The following AOAH variants were observed in gnomAD, a reference collection of about 807,000 sequenced individuals.
AOAH encodes acyloxyacyl hydrolase.
Under a neutral mutation model 92.2 loss-of-function variants are expected in AOAH, and 64 were observed. The ratio of observed to expected loss-of-function variants is 0.69; its 90% CI spans 0.57 to 0.86. The LOEUF is 0.86. AOAH is among the 40% of genes least tolerant of loss of function. AOAH has a pLI of 0.00. For missense variants in AOAH, 656 were observed against 694.6 expected (o/e 0.94, Z 0.62); for synonymous variants, 263 against 254.5 (o/e 1.03, Z -0.32).
chr7:36,634,933 T>C (rs1490947448), intron 5 of AOAH, among the ~76,000 whole-genome samples: 1 of 152,200 alleles, frequency 6.6e-6, no homozygotes, highest in African/African-American at 2.4e-5. Context: ...CCATTCATTG[T>C]GTAGAAATTG....
intron 13 of AOAH, among the ~76,000 whole-genome samples, chr7:36,563,435 CT>C (rs1308113733): frequency 2.4e-3 from 368 of 152,268 alleles, no homozygotes; most frequent in African/African-American, 8.5e-3. Flanking sequence ...TAGCATAATG[CT>C]AACCTCACTG....
chr7:36,607,607 T>C (rs370652091), intron 11 of AOAH, among the ~76,000 whole-genome samples: 69 of 152,196 alleles, frequency 4.5e-4, no homozygotes, highest in African/African-American at 1.5e-3. Context: ...CTCAGAAACA[T>C]ACACTCTTCC....
intron 2 of AOAH, among the ~76,000 whole-genome samples, chr7:36,678,807 C>T (rs1796466612): frequency 6.6e-6 from 1 of 152,148 alleles, no homozygotes; most frequent in Non-Finnish European, 1.5e-5. Context: ...GGGTACAAAG[C>T]AGAAATATGC....
intron 15 of AOAH, among the ~76,000 whole-genome samples, chr7:36,546,314 GC>G (rs1785796793): frequency 6.6e-6 from 1 of 152,210 alleles, no homozygotes; most frequent in African/African-American, 2.4e-5. Context: ...TGCTGCTTGA[GC>G]TTTTTATAAA....
At chr7:36,557,207 T>C (rs1262229380) in intron 13 of AOAH, among the ~76,000 whole-genome samples, 1 of 152,230 alleles carries the variant, frequency 6.6e-6, no homozygotes, top group Non-Finnish European at 1.5e-5. Flanking sequence ...CAGCATTTGC[T>C]TATCTGTAAA....
chr7:36,576,635 G>T lies in AOAH; in HGVS notation c.960C>A (p.Tyr320Ter). The part of the protein sequence containing the change: ...STVGIKEKSI[Y>*]LRLWKRNHCN... ...AGTGGTTTCTTTTCCATAAGCGAAG[G>T]TAAATAGATTTTTCTTTAATTCTGA... The change falls in exon 13 of 21, where the codon TAC becomes TAA. Residue 320 changes from tyrosine (Y) to a stop codon, truncating the protein, a stop_gained. Transcript: ENST00000617537. LOFTEE classifies it high-confidence loss of function. The T allele has an allele frequency of 6.4e-7, 1 of 1,566,600 alleles. No homozygotes were observed. Among genetic ancestry groups the T allele is most frequent in the Non-Finnish European group, 8.7e-7 (1 of 1,147,738 alleles).
intron 3 of AOAH, among the ~76,000 whole-genome samples, chr7:36,670,579 A>G (rs1795851973): frequency 6.6e-6 from 1 of 152,108 alleles, no homozygotes; most frequent in African/African-American, 2.4e-5. Context: ...GGCTCAAGCG[A>G]TTCCCCTGCC....
chr7:36,594,709 G>C, intron 11 of AOAH: 1 of 426,374 alleles, frequency 2.3e-6, no homozygotes, highest in East Asian at 4.7e-5. Flanking sequence ...TGCTTCAGCA[G>C]ACTAAACTTC....
intron 13 of AOAH, among the ~76,000 whole-genome samples, chr7:36,560,486 C>T (rs567809426): frequency 6.6e-6 from 1 of 152,112 alleles, no homozygotes; most frequent in East Asian, 1.9e-4. Flanking sequence ...ATTTTATTTT[C>T]TTGGGATATT....
At chr7:36,596,240 T>C (rs1312556873) in intron 11 of AOAH, among the ~76,000 whole-genome samples, 4 of 149,558 alleles carry the variant, frequency 2.7e-5, no homozygotes, top group Non-Finnish European at 5.9e-5. Context: ...GTGTCATATA[T>C]AAAACAGTTT....
chr7:36,591,249 G>T (rs1158923098), intron 12 of AOAH, among the ~76,000 whole-genome samples: 2 of 152,190 alleles, frequency 1.3e-5, no homozygotes, highest in Non-Finnish European at 2.9e-5. Context: ...AGAAAGAAAA[G>T]TTCCTGCAGG....
chr7:36,709,941 T>C (rs114360168), intron 1 of AOAH, among the ~76,000 whole-genome samples: 12 of 152,364 alleles, frequency 7.9e-5, no homozygotes, highest in Non-Finnish European at 1.5e-4. Flanking sequence ...ATTTCTATTA[T>C]GTATTCATGT....
chr7:36,530,329 G>A, intron 19 of AOAH, 89 bp downstream of exon 19: 1 of 878,000 alleles, frequency 1.1e-6, no homozygotes. Context: ...CTGCTGCCTG[G>A]TGGCTTATAA....
rs563751519 is a variant in AOAH, at chr7:36,521,424, A to G, written c.1599+615T>C. Among the ~76,000 whole-genome samples, 103 of 152,300 alleles carry G rather than the reference A, an allele frequency of 6.8e-4. 1 individual carries two copies. The highest frequency in any genetic ancestry group is 1.2e-3 in the Non-Finnish European group (84 of 68,006). On this transcript the variant is annotated intron_variant, in intron 20 of 20. Coordinates refer to ENST00000617537, the MANE Select transcript of AOAH (RefSeq NM_001637.4). ...GAGCTTCTCTGGTTGAAGCCAGGAT[A>G]ATGGGATGGGAGTGGAGCCGGGAGG...
intron 1 of AOAH, among the ~76,000 whole-genome samples, chr7:36,699,341 C>T (rs922880906): frequency 6.6e-6 from 1 of 151,912 alleles, no homozygotes; most frequent in African/African-American, 2.4e-5. Context: ...ATTGATGGAT[C>T]GTATGGTAGT....
chr7:36,675,181 G>C (rs969189259), intron 2 of AOAH, among the ~76,000 whole-genome samples: 2 of 152,146 alleles, frequency 1.3e-5, no homozygotes, highest in South Asian at 2.1e-4. Flanking sequence ...GCTTGAACCC[G>C]GGAGGTGGAG....
At chr7:36,622,928 C>T (rs1291611187) in intron 7 of AOAH, among the ~76,000 whole-genome samples, 1 of 152,104 alleles carries the variant, frequency 6.6e-6, no homozygotes, top group Non-Finnish European at 1.5e-5. Context: ...TGCCTGTAAT[C>T]CCAGCTACTT....
intron 1 of AOAH, among the ~76,000 whole-genome samples, chr7:36,696,346 T>A (rs566848688): frequency 5.3e-5 from 8 of 152,350 alleles, no homozygotes; most frequent in African/African-American, 1.7e-4. Flanking sequence ...TTGTGTTTAA[T>A]CTATAGATCA....
chr7:36,540,610 G>T, intron 15 of AOAH, 119 bp from the exon 16 acceptor site: 1 of 916,188 alleles, frequency 1.1e-6, no homozygotes, highest in Non-Finnish European at 1.6e-6. Flanking sequence ...ACAGTGTGGT[G>T]GTCATTGGAG....
Sources: gnomAD v4.1 joint callset for allele counts (sites outside exome capture counted in the v4.1 genomes callset) on GRCh38, gnomAD v4.1.1 for gene constraint, MANE v1.5 for transcripts, NCBI Gene and HGNC (gene_info 2026-07-23, HGNC 2026-07-21) for gene names.